The following ERC2 variants were observed in gnomAD, a reference collection of about 807,000 sequenced individuals.
ERC2 encodes the protein ELKS/RAB6-interacting/CAST family member 2.
Under a neutral mutation model 114.8 loss-of-function variants are expected in ERC2, and 42 were observed. The ratio of observed to expected loss-of-function variants is 0.37; its 90% confidence interval spans 0.29 to 0.47. ERC2 has a LOEUF of 0.47. Ranked by LOEUF, ERC2 falls within the 20% of genes least tolerant of loss-of-function variation. The pLI, the probability that ERC2 is intolerant of heterozygous loss-of-function variation, is 0.99. For synonymous variants in ERC2, 454 were observed against 425.5 expected (o/e 1.07, Z -0.82); for missense variants, 939 against 1,150.7 (o/e 0.82, Z 2.66).
intron 6 of ERC2, among the ~76,000 whole-genome samples, chr3:56,090,935 A>T (rs954862062): frequency 6.6e-6 from 1 of 152,106 alleles, no homozygotes; most frequent in Non-Finnish European, 1.5e-5. Flanking sequence ...ATCTACTTTC[A>T]TTGTAGAAAT....
chr3:56,311,255 C>CTCTCTCTATATA (rs1314796268), intron 2 of ERC2, among the ~76,000 whole-genome samples: 8 of 79,056 alleles, frequency 1.0e-4, no homozygotes, highest in Admixed American at 7.3e-4. Context: ...CTCTCTCTCT[C>CTCTCTCTATATA]TATATATATA....
intron 2 of ERC2, among the ~76,000 whole-genome samples, chr3:56,401,545 G>A (rs1346588653): frequency 1.3e-5 from 2 of 152,164 alleles, no homozygotes; most frequent in Non-Finnish European, 2.9e-5. Context: ...AATCTTTGAA[G>A]TTGCATAGTT....
Position 55,686,050 on chromosome 3 carries a change from T to C in ERC2, c.2848-2191A>G, listed in dbSNP as rs138644552. ...AATCACTTTTAGCAAATTAAATATA[T>C]TAAAAAGTGGTAATTAATTATGATT... On this transcript the variant is annotated intron_variant, in intron 16 of 17. Coordinates refer to ENST00000288221, the MANE Select transcript of ERC2 (RefSeq NM_015576.3). Among the ~76,000 whole-genome samples the C allele has an allele frequency of 2.2e-3, 330 of 152,330 alleles. 2 individuals carry two copies. The highest frequency in any genetic ancestry group is 7.7e-3 in the African/African-American group (322 of 41,564).
chr3:55,729,538 T>C (rs1362914282), intron 15 of ERC2, among the ~76,000 whole-genome samples: 3 of 152,086 alleles, frequency 2.0e-5, no homozygotes, highest in Admixed American at 6.6e-5. Context: ...TTTCTCCCCC[T>C]ATTAAAAAGT....
At chr3:55,718,913 T>G (rs1213913663) in intron 15 of ERC2, among the ~76,000 whole-genome samples, 1 of 152,226 alleles carries the variant, frequency 6.6e-6, no homozygotes, top group Non-Finnish European at 1.5e-5. Flanking sequence ...CCTGATTCTT[T>G]CTTCCTGTGG....
At chr3:55,571,734 T>C (rs994945575) in intron 17 of ERC2, among the ~76,000 whole-genome samples, 6 of 152,174 alleles carry the variant, frequency 3.9e-5, no homozygotes, top group Admixed American at 6.5e-5. Flanking sequence ...CTTCCCCTCT[T>C]GGAATTGTGA....
chr3:56,249,587 A>G (rs1003636752), intron 3 of ERC2, among the ~76,000 whole-genome samples: 1 of 151,924 alleles, frequency 6.6e-6, no homozygotes, highest in East Asian at 1.9e-4. Flanking sequence ...CGGCCTCCCA[A>G]AGTGCTGGGA....
In ERC2 at chr3:56,080,779, A is replaced by G. The variant is rs779271217; in HGVS notation, c.1641+38T>C. On this transcript the variant is annotated intron_variant, in intron 7 of 17. Transcript: ENST00000288221. ...ATTTTTCTAAAATGACAAAACATGG[A>G]TGATACCCCACTTGAAGGTCTTATG... 2.5e-6 allele frequency: 4 copies of G among 1,594,326 alleles called. No homozygotes were observed. In the South Asian group the frequency reaches 4.5e-5, roughly 18 times the overall value.
intron 2 of ERC2, among the ~76,000 whole-genome samples, chr3:56,364,801 G>A (rs2059089575): frequency 1.3e-5 from 2 of 152,196 alleles, no homozygotes; most frequent in South Asian, 2.1e-4. Context: ...ACATGGTGGT[G>A]GAATGCCAGA....
chr3:56,233,003 T>C (rs1363477122), intron 3 of ERC2, among the ~76,000 whole-genome samples: 1 of 152,250 alleles, frequency 6.6e-6, no homozygotes, highest in African/African-American at 2.4e-5. Context: ...GCACTTTCTT[T>C]TTATAACACC....
At chr3:55,665,214 G>A (rs2061311614) in intron 17 of ERC2, among the ~76,000 whole-genome samples, 1 of 152,148 alleles carries the variant, frequency 6.6e-6, no homozygotes, top group Admixed American at 6.5e-5. Context: ...GACTCTTCAA[G>A]CAGCGCTCTT....
chr3:55,726,762 G>C (rs2064949588), intron 15 of ERC2, among the ~76,000 whole-genome samples: 1 of 152,126 alleles, frequency 6.6e-6, no homozygotes, highest in Non-Finnish European at 1.5e-5. Flanking sequence ...AAACCCCATG[G>C]GAGGGGGATC....
chr3:56,051,826 AACACACACACACACACACACACACACAC>A (rs370057271), intron 7 of ERC2, among the ~76,000 whole-genome samples: 26 of 130,118 alleles, frequency 2.0e-4, no homozygotes, highest in African/African-American at 5.9e-4. Flanking sequence ...CTCCATCTCA[AACACACACACACACACACACACACACAC>A]ACACACACAC....
At chr3:55,851,128 T>C (rs959585893) in intron 14 of ERC2, among the ~76,000 whole-genome samples, 6 of 152,146 alleles carry the variant, frequency 3.9e-5, no homozygotes, top group Non-Finnish European at 7.3e-5. Context: ...GGAAAAGCTC[T>C]GACCTTGGGA....
At chr3:56,119,147 TC>T (rs2079430067) in intron 6 of ERC2, among the ~76,000 whole-genome samples, 1 of 152,216 alleles carries the variant, frequency 6.6e-6, no homozygotes, top group South Asian at 2.1e-4. Flanking sequence ...ACAGGATATG[TC>T]CTGCAGGCCA....
At chr3:56,187,724 A>C (rs1302077304) in intron 3 of ERC2, among the ~76,000 whole-genome samples, 39 of 152,212 alleles carry the variant, frequency 2.6e-4, no homozygotes, top group Admixed American at 2.6e-3. Flanking sequence ...ACAGGTAATA[A>C]GTGCTTTACA....
At chr3:56,160,421 T>C (rs1172225362) in intron 4 of ERC2, among the ~76,000 whole-genome samples, 2 of 152,192 alleles carry the variant, frequency 1.3e-5, no homozygotes, top group African/African-American at 4.8e-5. Context: ...TCCCATTCTG[T>C]AGATTGTTTG....
At chr3:56,034,586 A>G (rs2074674341) in intron 7 of ERC2, among the ~76,000 whole-genome samples, 1 of 152,200 alleles carries the variant, frequency 6.6e-6, no homozygotes, top group Admixed American at 6.5e-5. Flanking sequence ...ATCTTGGGCC[A>G]CCAAACAGTC....
chr3:55,752,324 T>C (rs2066755269), intron 14 of ERC2, among the ~76,000 whole-genome samples: 1 of 152,206 alleles, frequency 6.6e-6, no homozygotes, highest in Non-Finnish European at 1.5e-5. Context: ...GGCTGCTAGC[T>C]AGCGAGAGTC....
Sources: allele counts gnomAD v4.1 joint callset (sites outside exome capture counted in the v4.1 genomes callset), GRCh38; gene constraint gnomAD v4.1.1; transcripts MANE v1.5; gene names NCBI Gene and HGNC (gene_info 2026-07-23, HGNC 2026-07-21).